Variants in PRKCQ observed in about 807,000 individuals in gnomAD.
PRKCQ encodes the protein protein kinase C theta.
PRKCQ carries 41 observed loss-of-function variants against 91.2 expected under a neutral mutation model. That is an observed-to-expected ratio of 0.45 (90% CI 0.35 to 0.58). The LOEUF is 0.58. PRKCQ is among the 20% of genes least tolerant of loss of function. PRKCQ has a pLI of 0.00. For missense variants in PRKCQ, 673 were observed against 896.5 expected (o/e 0.75, Z 3.18); for synonymous variants, 307 against 316.9 (o/e 0.97, Z 0.33).
chr10:6,530,551 G>T (rs751556869), intron 1 of PRKCQ, among the ~76,000 whole-genome samples: 3 of 152,230 alleles, frequency 2.0e-5, no homozygotes, highest in Admixed American at 6.5e-5. Context: ...AGTCACAGGG[G>T]GGGTTGTTGC....
intron 1 of PRKCQ, among the ~76,000 whole-genome samples, chr10:6,542,065 T>G (rs540648295): frequency 3.2e-4 from 49 of 152,374 alleles, no homozygotes; most frequent in African/African-American, 1.2e-3. Context: ...AAGCCTGGGA[T>G]GCACACATGG....
At chr10:6,504,524 A>G (rs1230415936) in intron 4 of PRKCQ, among the ~76,000 whole-genome samples, 1 of 152,202 alleles carries the variant, frequency 6.6e-6, no homozygotes, top group Non-Finnish European at 1.5e-5. Flanking sequence ...AACTCTTGCT[A>G]ACCTTTAATG....
At chr10:6,498,281 A>T in intron 5 of PRKCQ, 115 bp downstream of exon 5, 1 of 1,326,038 alleles carries the variant, frequency 7.5e-7, no homozygotes, top group Admixed American at 1.9e-5. Context: ...GACAACGCTG[A>T]GGTAGCATTT....
chr10:6,409,375 A>G, the PRKCQ span, among the ~76,000 whole-genome samples: 1 of 152,146 alleles, frequency 6.6e-6, no homozygotes, highest in Non-Finnish European at 1.5e-5. Flanking sequence ...GCTCACTGCA[A>G]CCTCTGCCTC....
At chr10:6,530,965 C>T (rs941320360) in intron 1 of PRKCQ, among the ~76,000 whole-genome samples, 1 of 152,106 alleles carries the variant, frequency 6.6e-6, no homozygotes, top group Non-Finnish European at 1.5e-5. Context: ...CCACTGGAGG[C>T]CTAATTTCTG....
At chr10:6,543,684 C>A (rs145591920) in intron 1 of PRKCQ, among the ~76,000 whole-genome samples, 82 of 152,278 alleles carry the variant, frequency 5.4e-4, no homozygotes, top group Middle Eastern at 3.4e-3. Flanking sequence ...GCTGACAAGG[C>A]CCACGGTTCT....
intron 14 of PRKCQ, among the ~76,000 whole-genome samples, chr10:6,457,644 C>T (rs636819): frequency 0.071 from 10,755 of 152,136 alleles, 905 homozygotes; most frequent in African/African-American, 0.2. Flanking sequence ...GTTTTCTTCT[C>T]GACTGACTTG....
At chr10:6,487,342 TG>T (rs1475963295) in intron 8 of PRKCQ, among the ~76,000 whole-genome samples, 12 of 152,152 alleles carry the variant, frequency 7.9e-5, no homozygotes, top group African/African-American at 2.9e-4. Context: ...TCACATAAGA[TG>T]TTAAAGAAAA....
chr10:6,426,649 T>G (rs537065543), downstream of PRKCQ, among the ~76,000 whole-genome samples: 19 of 152,268 alleles, frequency 1.2e-4, no homozygotes, highest in African/African-American at 4.3e-4. Flanking sequence ...CTCCGTATAG[T>G]CAGGAAAATG....
At chr10:6,559,597 G>T (rs192330691) in intron 1 of PRKCQ, among the ~76,000 whole-genome samples, 382 of 152,302 alleles carry the variant, frequency 2.5e-3, no homozygotes, top group African/African-American at 8.6e-3. Flanking sequence ...GACCTCAGGT[G>T]ATCTGCCTGC....
At chr10:6,447,501 TCTTTGCTC>T (rs1040230279) in intron 15 of PRKCQ, among the ~76,000 whole-genome samples, 10 of 152,040 alleles carry the variant, frequency 6.6e-5, no homozygotes, top group Non-Finnish European at 1.3e-4. Context: ...CATCAGCCTC[TCTTTGCTC>T]CTATTATAGG....
At chr10:6,538,009 A>G (rs1839648108) in intron 1 of PRKCQ, among the ~76,000 whole-genome samples, 1 of 152,232 alleles carries the variant, frequency 6.6e-6, no homozygotes, top group Non-Finnish European at 1.5e-5. Context: ...ACAGGAAGGA[A>G]AAGAAGGAGG....
the PRKCQ span, among the ~76,000 whole-genome samples, chr10:6,409,349 T>A: frequency 1.3e-5 from 2 of 152,178 alleles, no homozygotes; most frequent in African/African-American, 4.8e-5. Flanking sequence ...GGCTGGAGTG[T>A]AATGGCACGA....
At chr10:6,482,690 T>A (rs549648417) in intron 11 of PRKCQ, among the ~76,000 whole-genome samples, 1 of 152,138 alleles carries the variant, frequency 6.6e-6, no homozygotes, top group Non-Finnish European at 1.5e-5. Context: ...CGAGACTGGA[T>A]AATTTATAAA....
downstream of PRKCQ, among the ~76,000 whole-genome samples, chr10:6,425,225 ATTT>A (rs34277466): frequency 1.5e-5 from 2 of 137,680 alleles, no homozygotes; most frequent in African/African-American, 2.7e-5. Flanking sequence ...TCTCTCCTCT[ATTT>A]TTTTTTTTTT....
At chr10:6,484,744 A>G (rs982974117) in intron 10 of PRKCQ, among the ~76,000 whole-genome samples, 1 of 152,210 alleles carries the variant, frequency 6.6e-6, no homozygotes, top group Non-Finnish European at 1.5e-5. Context: ...AAACTGCCAT[A>G]ATGTCATGAA....
chr10:6,464,690 C>T (rs563713172), intron 12 of PRKCQ, among the ~76,000 whole-genome samples: 31 of 152,258 alleles, frequency 2.0e-4, no homozygotes, highest in Admixed American at 1.2e-3. Context: ...TCAGGTGATC[C>T]GCCCACCTTG....
At position 6,544,984 on chromosome 10, in the gene PRKCQ, G is replaced by GT. The variant is rs35126400; in HGVS notation, c.-9-29841dup. ...CAAAGTCTGCTATTATTTCCTTTCT[G>GT]TTTTTTTTTTTTTTAATCTATAGGG... On this transcript the variant is annotated intron_variant, in intron 1 of 17. Coordinates refer to ENST00000263125, the MANE Select transcript of PRKCQ (RefSeq NM_006257.5). Among the ~76,000 whole-genome samples, 587 of 144,822 alleles carry GT rather than the reference G, an allele frequency of 4.1e-3. 5 individuals carry two copies. The highest frequency in any genetic ancestry group is 5.1e-3 in the Non-Finnish European group (340 of 66,302).
chr10:6,457,207 A>T (rs976443037), intron 14 of PRKCQ, among the ~76,000 whole-genome samples: 1 of 152,202 alleles, frequency 6.6e-6, no homozygotes, highest in African/African-American at 2.4e-5. Context: ...CCAGTTGATG[A>T]AGTTTGTTCC....
Sources: gnomAD v4.1 joint callset for allele counts (sites outside exome capture counted in the v4.1 genomes callset) on GRCh38, gnomAD v4.1.1 for gene constraint, MANE v1.5 for transcripts, NCBI Gene and HGNC (gene_info 2026-07-23, HGNC 2026-07-21) for gene names.